Variants in FLI1 observed in about 807,000 individuals in gnomAD.
FLI1 encodes Friend leukemia integration 1 transcription factor.
In FLI1, 13 loss-of-function variants were observed where a neutral mutation model predicts 53.1. The ratio of observed to expected loss-of-function variants is 0.24; its 90% CI spans 0.16 to 0.39. The LOEUF is 0.39. FLI1 is among the 10% of genes least tolerant of loss of function. FLI1 has a pLI of 1.00. For synonymous variants in FLI1, 244 were observed against 236.7 expected (o/e 1.03, Z -0.28); for missense variants, 424 against 600.5 (o/e 0.71, Z 3.07).
At chr11:128,700,873 A>G (rs1174684909) in intron 1 of FLI1, among the ~76,000 whole-genome samples, 1 of 152,190 alleles carries the variant, frequency 6.6e-6, no homozygotes, top group East Asian at 1.9e-4. Flanking sequence ...TACCTGCCTC[A>G]AAATAATAAT....
At chr11:128,701,285 C>T (rs964330405) in intron 1 of FLI1, among the ~76,000 whole-genome samples, 3 of 152,014 alleles carry the variant, frequency 2.0e-5, no homozygotes, top group Non-Finnish European at 2.9e-5. Flanking sequence ...ATTTTAGTTC[C>T]TTTTGAGAAT....
intron 5 of FLI1, among the ~76,000 whole-genome samples, chr11:128,803,495 C>G (rs540863532): frequency 5.3e-5 from 8 of 152,322 alleles, no homozygotes; most frequent in South Asian, 4.1e-4. Flanking sequence ...GATGCACTCT[C>G]CCCTCTCCAA....
intron 1 of FLI1, among the ~76,000 whole-genome samples, chr11:128,746,953 G>T (rs1019595010): frequency 3.3e-5 from 5 of 152,226 alleles, no homozygotes; most frequent in African/African-American, 1.2e-4. Context: ...ATGAAGGGAA[G>T]CAAGCAGTGT....
intron 5 of FLI1, among the ~76,000 whole-genome samples, chr11:128,796,888 T>C (rs927171785): frequency 2.6e-5 from 4 of 152,204 alleles, no homozygotes; most frequent in Non-Finnish European, 5.9e-5. Flanking sequence ...GGCAGAAGAA[T>C]TGCTTGAATC....
chr11:128,727,026 A>C (rs1939515152), intron 1 of FLI1, among the ~76,000 whole-genome samples: 1 of 151,606 alleles, frequency 6.6e-6, no homozygotes, highest in African/African-American at 2.4e-5. Context: ...GAGCTGTGCC[A>C]CTCTTGAAGG....
chr11:128,694,110 A>T lies in FLI1; in HGVS notation c.-149A>T. On this transcript the variant is annotated 5_prime_UTR_variant, in exon 1 of 9. Transcript: ENST00000527786. Reference sequence around the variant, plus strand: ...CTACAACAACAAACGTGCACAGGGGAGTGAGGGCAGGGCGCTCGCAGGGGG... The same window carrying T: ...CTACAACAACAAACGTGCACAGGGGTGTGAGGGCAGGGCGCTCGCAGGGGG... The T allele has an allele frequency of 1.6e-6, 1 of 631,228 alleles. No individual in the cohort carries two copies. Among genetic ancestry groups the T allele is most frequent in the Non-Finnish European group, 2.5e-6 (1 of 393,634 alleles). 39.1% of individuals were successfully genotyped at this position (631,228 alleles called of 1,614,324 possible). A position where few individuals can be genotyped will look rare whatever the true frequency, so the allele number is the denominator to read the frequency against.
chr11:128,706,086 G>A (rs879247350), intron 1 of FLI1, among the ~76,000 whole-genome samples: 6 of 152,290 alleles, frequency 3.9e-5, no homozygotes, highest in East Asian at 1.9e-4. Flanking sequence ...CAAGAGGGAC[G>A]TGGAACACCT....
chr11:128,774,720 A>G (rs1029082047), intron 4 of FLI1, among the ~76,000 whole-genome samples: 11 of 152,208 alleles, frequency 7.2e-5, no homozygotes, highest in African/African-American at 2.7e-4. Flanking sequence ...TGTTGGGAGA[A>G]TGTTCAAGGC....
intron 5 of FLI1, among the ~76,000 whole-genome samples, chr11:128,800,141 G>A (rs528963290): frequency 7.6e-4 from 115 of 152,268 alleles, no homozygotes; most frequent in Middle Eastern, 3.4e-3. Flanking sequence ...CAAGAAAGGA[G>A]GTCTGGATCT....
At position 128,705,878 on chromosome 11, in the gene FLI1, C is replaced by T. The variant is rs540130331; in HGVS notation, c.18+11602C>T. On this transcript the variant is annotated intron_variant, in intron 1 of 8. Coordinates refer to ENST00000527786, the MANE Select transcript of FLI1 (RefSeq NM_002017.5). ...TATTTTAAATTTTTCATTCTCAATG[C>T]GTAGGGCCAAGCGCCTGCCTTTGCT... Among the ~76,000 whole-genome samples the T allele has an allele frequency of 1.8e-3, 276 of 152,258 alleles. 1 individual carries two copies. Among genetic ancestry groups the T allele is most frequent in the African/African-American group, 6.3e-3 (263 of 41,548 alleles).
At chr11:128,805,174 C>T (rs1942743306) in intron 5 of FLI1, 192 bp from the exon 6 acceptor site, 2 of 469,440 alleles carry the variant, frequency 4.3e-6, no homozygotes. Context: ...CCAGATAAGA[C>T]TACAATCTTC....
chr11:128,791,290 T>C (rs1942262198), intron 5 of FLI1, among the ~76,000 whole-genome samples: 1 of 152,182 alleles, frequency 6.6e-6, no homozygotes, highest in Non-Finnish European at 1.5e-5. Flanking sequence ...AACCACACTT[T>C]GGAATAATGT....
At chr11:128,740,069 T>C (rs750552021) in intron 1 of FLI1, among the ~76,000 whole-genome samples, 4 of 152,126 alleles carry the variant, frequency 2.6e-5, no homozygotes, top group Non-Finnish European at 5.9e-5. Context: ...TGTCACCAAC[T>C]TCCACCCCAC....
chr11:128,694,877 CGGCACTCAGTCGCCCGGCTCTA>C (rs1262734851), intron 1 of FLI1, among the ~76,000 whole-genome samples: 1 of 152,146 alleles, frequency 6.6e-6, no homozygotes, highest in Non-Finnish European at 1.5e-5. Context: ...CCCTTCCTCT[CGGCACTCAGTCGCCCGGCTCTA>C]GGCGCTGGAG....
chr11:128,810,863 T>C lies in FLI1; in HGVS notation c.1234T>C (p.Ser412Pro). 6.2e-7 allele frequency: 1 copy of C among 1,614,008 alleles called. No homozygotes were observed. Among genetic ancestry groups the C allele is most frequent in the Non-Finnish European group, 8.5e-7 (1 of 1,179,898 alleles). The change falls in exon 9 of 9, where the codon TCC becomes CCC. Residue 412 changes from serine to proline, a missense_variant. Physicochemically the swap from Ser to Pro is moderately conservative, Grantham distance 74. Around this residue, in one of 5 missense-constraint regions of FLI1, gnomAD observed 87 missense variants for 100.0 expected, o/e 0.87. Transcript: ENST00000527786. This position sits in a 1 kb window ranked among gnomAD's most constrained non-coding sequence, Gnocchi z 6.6. ...PPHPSSMPVTSSSFFGAASQY... is the reference protein window; with the variant it reads ...PPHPSSMPVTPSSFFGAASQY... ...CCATCCATCCTCCATGCCTGTCACT[T>C]CCTCCAGCTTCTTTGGAGCCGCATC...
intron 1 of FLI1, among the ~76,000 whole-genome samples, chr11:128,703,878 G>A (rs1938445799): frequency 7.0e-6 from 1 of 142,024 alleles, no homozygotes; most frequent in Non-Finnish European, 1.5e-5. Context: ...CGTTAAGAGA[G>A]ACACAGAAAC....
upstream of FLI1, among the ~76,000 whole-genome samples, chr11:128,692,312 AG>A (rs1267810573): frequency 6.6e-6 from 1 of 152,006 alleles, no homozygotes; most frequent in Non-Finnish European, 1.5e-5. Context: ...CCCCAGGCAA[AG>A]GGGGGGACTG....
intron 4 of FLI1, among the ~76,000 whole-genome samples, chr11:128,773,720 G>T (rs1358838102): frequency 6.6e-6 from 1 of 151,484 alleles, no homozygotes; most frequent in Non-Finnish European, 1.5e-5. Flanking sequence ...AATTATTTTA[G>T]TCCTGCTGGT....
chr11:128,745,197 G>A (rs1940326797), intron 1 of FLI1, among the ~76,000 whole-genome samples: 1 of 152,174 alleles, frequency 6.6e-6, no homozygotes, highest in Admixed American at 6.5e-5. Context: ...TAAAATGCAG[G>A]AGGTTGAGCA....
Sources: allele counts gnomAD v4.1 joint callset (sites outside exome capture counted in the v4.1 genomes callset), GRCh38; gene constraint gnomAD v4.1.1; regional missense constraint gnomAD v4.1.1; non-coding constraint Gnocchi (gnomAD v3.1); transcripts MANE v1.5; gene names NCBI Gene and HGNC (gene_info 2026-07-23, HGNC 2026-07-21).